Variants in HDAC4 observed in about 807,000 individuals in gnomAD.
The protein encoded by HDAC4 is histone deacetylase 4, also known as histone deacetylase A.
A neutral mutation model predicts 135.1 loss-of-function variants in HDAC4; 16 were observed. That is an observed-to-expected ratio of 0.12 (90% CI 0.08 to 0.18). The LOEUF is 0.18. Ranked by LOEUF, HDAC4 falls within the 10% of genes least tolerant of loss-of-function variation. The pLI, the probability that HDAC4 is intolerant of heterozygous loss-of-function variation, is 1.00. For missense variants in HDAC4, 1,143 were observed against 1,511.8 expected, an observed-to-expected ratio of 0.76 and a Z score of 4.05; for synonymous variants, 685 against 653.4, an observed-to-expected ratio of 1.05 and a Z score of -0.74.
At chr2:239,065,001 C>T (rs963629089) in intron 24 of HDAC4, among the ~76,000 whole-genome samples, 1 of 152,210 alleles carries the variant, frequency 6.6e-6, no homozygotes, top group African/African-American at 2.4e-5. Context: ...TACAGGGGTC[C>T]GTGGCCTCCT....
intron 2 of HDAC4, among the ~76,000 whole-genome samples, chr2:239,325,762 C>T (rs190045867): frequency 1.3e-5 from 2 of 151,910 alleles, no homozygotes; most frequent in Non-Finnish European, 1.5e-5. Flanking sequence ...GTCAGGAGTT[C>T]GAGACCAGCC....
At chr2:239,335,039 A>T (rs1464893898) in intron 2 of HDAC4, among the ~76,000 whole-genome samples, 1 of 151,702 alleles carries the variant, frequency 6.6e-6, no homozygotes, top group African/African-American at 2.4e-5. Context: ...AAAAAAAAAA[A>T]AAAAATCCAT....
rs576444000 is a variant in HDAC4, at chr2:239,299,828, C to T, written c.22+52850G>A. On this transcript the variant is annotated intron_variant, in intron 2 of 26. Coordinates refer to ENST00000543185, the MANE Select transcript of HDAC4 (RefSeq NM_001378414.1). This position sits in a 1 kb window ranked among gnomAD's most constrained non-coding sequence, Gnocchi z 4.0. The stretch of plus-strand genomic sequence containing the variant: ...TGTCACAGGGGAGGCACACACCAGA[C>T]GAACCAAACCAGCAACAGAGCGGAG... Among the ~76,000 whole-genome samples the T allele has an allele frequency of 2.2e-4, 34 of 152,156 alleles. No individual in the cohort carries two copies. Among genetic ancestry groups the T allele is most frequent in the African/African-American group, 7.7e-4 (32 of 41,436 alleles).
chr2:239,176,217 C>T (rs1277697294), intron 5 of HDAC4, among the ~76,000 whole-genome samples, 196 bp downstream of exon 5: 10 of 151,578 alleles, frequency 6.6e-5, no homozygotes, highest in African/African-American at 2.2e-4. Context: ...CTTCTGCGCC[C>T]GCACTCCCTC....
chr2:239,355,139 ATAAG>A (rs767996416), intron 1 of HDAC4, among the ~76,000 whole-genome samples: 4 of 152,250 alleles, frequency 2.6e-5, no homozygotes, highest in Admixed American at 6.5e-5. Flanking sequence ...CAGAAGATAC[ATAAG>A]TAAGAGTCTT....
At chr2:239,118,848 A>C (rs905231200) in intron 12 of HDAC4, among the ~76,000 whole-genome samples, 1 of 152,178 alleles carries the variant, frequency 6.6e-6, no homozygotes, top group African/African-American at 2.4e-5. Context: ...GTGTTTCAAC[A>C]CTAGTTTCAC....
At chr2:239,283,421 C>A (rs543029695) in intron 2 of HDAC4, among the ~76,000 whole-genome samples, 51 of 152,340 alleles carry the variant, frequency 3.3e-4, no homozygotes, top group African/African-American at 9.6e-4. Flanking sequence ...GCTACCGCCC[C>A]CCATGAGCAG....
chr2:239,095,868 G>A (rs1439170154), intron 16 of HDAC4, among the ~76,000 whole-genome samples: 1 of 152,170 alleles, frequency 6.6e-6, no homozygotes, highest in East Asian at 1.9e-4. Flanking sequence ...GGCTGCCTGG[G>A]CCCCAATCCC....
At chr2:239,168,653 C>T (rs759745693) in intron 5 of HDAC4, among the ~76,000 whole-genome samples, 2 of 152,174 alleles carry the variant, frequency 1.3e-5, no homozygotes, top group Non-Finnish European at 2.9e-5. Context: ...CGCGCCGGCC[C>T]GCCACTGCTC....
chr2:239,213,097 T>C (rs889205509), intron 3 of HDAC4, among the ~76,000 whole-genome samples: 2 of 152,088 alleles, frequency 1.3e-5, no homozygotes, highest in Non-Finnish European at 2.9e-5. Flanking sequence ...TGGGTTGCTC[T>C]CTCTGGTCCC....
intron 3 of HDAC4, among the ~76,000 whole-genome samples, chr2:239,220,539 C>G (rs1276606774): frequency 6.6e-6 from 1 of 152,164 alleles, no homozygotes; most frequent in East Asian, 1.9e-4. Flanking sequence ...TAGGGGAAGA[C>G]AGTGACCTCG....
At chr2:239,082,364 C>A in intron 20 of HDAC4, 143 bp from the exon 21 acceptor site, 1 of 1,099,460 alleles carries the variant, frequency 9.1e-7, no homozygotes, top group South Asian at 1.3e-5. Flanking sequence ...GGGCCCGTAC[C>A]CGGCAGGCGC....
intron 17 of HDAC4, 106 bp from the exon 18 acceptor site, chr2:239,090,222 C>A (rs2036379700): frequency 1.3e-6 from 1 of 792,920 alleles, no homozygotes; most frequent in Non-Finnish European, 2.2e-6. Flanking sequence ...CTTCTGAAAC[C>A]CCAGGGCCTA....
rs1384527455 is a variant in HDAC4 at position 239,349,984 on chromosome 2, CCGGGCAGG to C, written c.22+2686_22+2693del. On this transcript the variant is annotated intron_variant, in intron 2 of 26. Transcript: ENST00000543185. The surrounding 1 kb of genome is among the most constrained non-coding windows in gnomAD (Gnocchi z 5.7). ...CCCAACTCACATGGGCAGGACAGGCCCGGGCAGGCCGGTGATCAAACTGAACCGCAGCG... is the reference window on the plus strand; with the variant it reads ...CCCAACTCACATGGGCAGGACAGGCCCCGGTGATCAAACTGAACCGCAGCG... Among the ~76,000 whole-genome samples the C allele has an allele frequency of 5.9e-5, 9 of 152,118 alleles. No individual in the cohort carries two copies. The highest frequency in any genetic ancestry group is 5.9e-4 in the Admixed American group (9 of 15,282).
In HDAC4 at chr2:239,052,700, T is replaced by G; in HGVS notation, c.*397A>C. Reference sequence around the variant, plus strand: ...ACTTTAAGCACCAGTTTTAATCAAGTTTGTTTTGTATTATTAGATCTTTGA... The same window carrying G: ...ACTTTAAGCACCAGTTTTAATCAAGGTTGTTTTGTATTATTAGATCTTTGA... On this transcript the variant is annotated 3_prime_UTR_variant, in exon 27 of 27. Coordinates refer to ENST00000543185, the MANE Select transcript of HDAC4 (RefSeq NM_001378414.1). 4.0e-6 allele frequency: 1 copy of G among 252,774 alleles called. No individual in the cohort carries two copies. The highest frequency in any genetic ancestry group is 2.2e-5 in the African/African-American group (1 of 44,948). 15.7% of individuals were successfully genotyped at this position (252,774 alleles called of 1,614,324 possible).
chr2:239,271,098 G>T (rs2050032181), intron 2 of HDAC4, among the ~76,000 whole-genome samples: 1 of 152,152 alleles, frequency 6.6e-6, no homozygotes, highest in South Asian at 2.1e-4. Context: ...CCAGTAAAAA[G>T]GTTGGGGCTT....
At chr2:239,074,729 G>A (rs1349392080) in intron 22 of HDAC4, among the ~76,000 whole-genome samples, 1 of 152,184 alleles carries the variant, frequency 6.6e-6, no homozygotes, top group Non-Finnish European at 1.5e-5. Flanking sequence ...ACTAAGAAAC[G>A]TCCCTTCTCC....
intron 19 of HDAC4, among the ~76,000 whole-genome samples, 169 bp from the exon 20 acceptor site, chr2:239,084,411 AACAG>A (rs781063934): frequency 5.3e-5 from 8 of 151,930 alleles, no homozygotes; most frequent in East Asian, 3.9e-4. Context: ...AGAATCGGTT[AACAG>A]ACAGACACGT....
chr2:239,151,657 C>G (rs138451103), intron 7 of HDAC4, among the ~76,000 whole-genome samples: 1 of 152,232 alleles, frequency 6.6e-6, no homozygotes, highest in Non-Finnish European at 1.5e-5. Flanking sequence ...ACCAGCCCAG[C>G]CTCCTCCCAA....
Sources: allele counts gnomAD v4.1 joint callset (sites outside exome capture counted in the v4.1 genomes callset), GRCh38; gene constraint gnomAD v4.1.1; non-coding constraint Gnocchi (gnomAD v3.1); transcripts MANE v1.5; gene names NCBI Gene and HGNC (gene_info 2026-07-23, HGNC 2026-07-21).